The following KCNK2 variants were observed in gnomAD, a reference collection of about 807,000 sequenced individuals.
KCNK2 encodes the protein potassium channel subfamily K member 2.
KCNK2 carries 21 observed loss-of-function variants against 40.5 expected under a neutral mutation model. The observed-to-expected ratio is 0.52, with a 90% CI of 0.37 to 0.75. The LOEUF (loss-of-function observed/expected upper bound fraction) is 0.75. Among genes scored for constraint, KCNK2 ranks in the 30% least tolerant of loss-of-function variants. The probability of loss-of-function intolerance (pLI) is 0.00; values close to 1 mark genes in which losing one functional copy is unlikely to be tolerated. For missense variants in KCNK2, 399 were observed against 531.6 expected, an observed-to-expected ratio of 0.75 and a Z score of 2.45; for synonymous variants, 191 against 202.2, an observed-to-expected ratio of 0.94 and a Z score of 0.47.
chr1:215,114,073 A>G (rs1253357191), intron 2 of KCNK2, among the ~76,000 whole-genome samples: 1 of 152,078 alleles, frequency 6.6e-6, no homozygotes, highest in African/African-American at 2.4e-5. Context: ...CTTGGTTTAA[A>G]AGTTTTCTGC....
intron 1 of KCNK2, among the ~76,000 whole-genome samples, chr1:215,074,196 G>A (rs574737191): frequency 5.6e-4 from 85 of 152,262 alleles, no homozygotes; most frequent in African/African-American, 1.9e-3. Context: ...CTTCTAGAAC[G>A]AAATGCCCCA....
At chr1:215,011,632 G>A (rs1656393501) in intron 1 of KCNK2, among the ~76,000 whole-genome samples, 1 of 130,414 alleles carries the variant, frequency 7.7e-6, no homozygotes, top group East Asian at 2.4e-4. Context: ...TTGAGATGGA[G>A]TCTCACTCTG....
chr1:215,078,655 C>A (rs1659039957), upstream of KCNK2, among the ~76,000 whole-genome samples: 1 of 152,140 alleles, frequency 6.6e-6, no homozygotes, highest in Non-Finnish European at 1.5e-5. Context: ...ATGGAGATTA[C>A]AAGTCAAGGT....
intron 4 of KCNK2, 129 bp from the exon 5 acceptor site, chr1:215,171,868 G>C: frequency 1.7e-6 from 1 of 572,160 alleles, no homozygotes; most frequent in Non-Finnish European, 2.9e-6. Flanking sequence ...GCTCATAATA[G>C]TGTATAGGTT....
At chr1:215,044,826 T>TGTGCGCGC (rs142895602) in intron 1 of KCNK2, among the ~76,000 whole-genome samples, 62 of 140,656 alleles carry the variant, frequency 4.4e-4, no homozygotes, top group South Asian at 3.2e-3. Context: ...TGTGTGTGTG[T>TGTGCGCGC]GCGCGCGCAC....
intron 1 of KCNK2, among the ~76,000 whole-genome samples, chr1:215,063,288 T>G (rs1658422341): frequency 6.6e-6 from 1 of 152,190 alleles, no homozygotes; most frequent in African/African-American, 2.4e-5. Context: ...GAGAAGCCAC[T>G]GGCAGGTTTT....
At chr1:215,194,784 C>A (rs1023135993) in intron 5 of KCNK2, among the ~76,000 whole-genome samples, 169 bp from the exon 6 acceptor site, 2 of 151,920 alleles carry the variant, frequency 1.3e-5, no homozygotes, top group Non-Finnish European at 2.9e-5. Flanking sequence ...GTAAGAATTA[C>A]GAGTGAAAAG....
chr1:215,164,983 T>C (rs1663377181), intron 3 of KCNK2, among the ~76,000 whole-genome samples: 1 of 152,172 alleles, frequency 6.6e-6, no homozygotes, highest in Admixed American at 6.6e-5. Context: ...AAGCAGATAT[T>C]AGAGAACCTT....
At chr1:215,233,334 T>C (rs957997287) in intron 6 of KCNK2, among the ~76,000 whole-genome samples, 53 of 152,086 alleles carry the variant, frequency 3.5e-4, no homozygotes, top group African/African-American at 1.1e-3. Context: ...AAATAAAAAA[T>C]AGATCCCCAA....
chr1:215,030,963 G>A (rs945946632), intron 1 of KCNK2, among the ~76,000 whole-genome samples: 1 of 151,972 alleles, frequency 6.6e-6, no homozygotes, highest in Non-Finnish European at 1.5e-5. Flanking sequence ...TTTTACATGT[G>A]GATACTCAGT....
chr1:215,136,807 C>T (rs987841478), intron 3 of KCNK2, among the ~76,000 whole-genome samples: 2 of 152,144 alleles, frequency 1.3e-5, no homozygotes, highest in Admixed American at 6.5e-5. Flanking sequence ...TCAAGTGAAG[C>T]AGGATATCTG....
intron 1 of KCNK2, among the ~76,000 whole-genome samples, chr1:215,040,053 A>G (rs1256727906): frequency 6.6e-6 from 1 of 152,040 alleles, no homozygotes; most frequent in African/African-American, 2.4e-5. Context: ...GGAGCTCTGG[A>G]TTGAGGTTTT....
chr1:215,083,471 A>C (rs764202201), intron 1 of KCNK2, 40 bp downstream of exon 1: 2 of 1,442,308 alleles, frequency 1.4e-6, no homozygotes, highest in East Asian at 2.3e-5. Context: ...CTCTGGCCGC[A>C]CGCTCTCCTG....
At chr1:215,006,504 T>G (rs922500343) in intron 1 of KCNK2, among the ~76,000 whole-genome samples, 4 of 152,198 alleles carry the variant, frequency 2.6e-5, no homozygotes, top group Non-Finnish European at 4.4e-5. Context: ...AAGTTCTTTT[T>G]ACATTTCCAT....
intron 6 of KCNK2, among the ~76,000 whole-genome samples, chr1:215,210,617 C>G (rs1439441442): frequency 6.6e-6 from 1 of 151,948 alleles, no homozygotes; most frequent in Non-Finnish European, 1.5e-5. Context: ...AGGCATTTTA[C>G]TAGGTATTGG....
Position 215,190,164 on chromosome 1 carries a change from T to C in KCNK2, c.824-4789T>C, listed in dbSNP as rs144623714. On this transcript the variant is annotated intron_variant, in intron 5 of 6. Transcript: ENST00000444842. Reference sequence around the variant, plus strand: ...AAAAATTCACAGAAAAAGAAAATTATATTTAACTAAGAGGGGATGTTGTAT... The same window carrying C: ...AAAAATTCACAGAAAAAGAAAATTACATTTAACTAAGAGGGGATGTTGTAT... 1.6e-4 allele frequency among the ~76,000 whole-genome samples: 24 copies of C among 152,298 alleles called. No homozygotes were observed. The East Asian group carries it at 4.6e-3, about 29-fold the overall frequency.
intron 6 of KCNK2, among the ~76,000 whole-genome samples, chr1:215,208,949 T>C (rs1374197891): frequency 6.6e-6 from 1 of 151,860 alleles, no homozygotes; most frequent in East Asian, 1.9e-4. Context: ...TGTCTCGGCA[T>C]GCATAGTAGC....
chr1:215,180,015 G>A (rs1664159880), intron 5 of KCNK2, among the ~76,000 whole-genome samples: 1 of 152,006 alleles, frequency 6.6e-6, no homozygotes, highest in Non-Finnish European at 1.5e-5. Flanking sequence ...ATCTGGAAGA[G>A]CCTGTTTTAT....
intron 2 of KCNK2, among the ~76,000 whole-genome samples, chr1:215,120,801 C>T (rs755987958): frequency 1.1e-4 from 16 of 152,130 alleles, no homozygotes; most frequent in Non-Finnish European, 1.8e-4. Flanking sequence ...ATGCTAAAAT[C>T]GAACCATTTT....
Sources: gnomAD v4.1 joint callset for allele counts (sites outside exome capture counted in the v4.1 genomes callset) on GRCh38, gnomAD v4.1.1 for gene constraint, MANE v1.5 for transcripts, NCBI Gene and HGNC (gene_info 2026-07-23, HGNC 2026-07-21) for gene names.